The following ENPEP variants were observed in gnomAD, a reference collection of about 807,000 sequenced individuals.
ENPEP encodes the protein AP-A.
A neutral mutation model predicts 114.5 loss-of-function variants in ENPEP; 103 were observed. The ratio of observed to expected loss-of-function variants is 0.90; its 90% confidence interval spans 0.77 to 1.06. The LOEUF (loss-of-function observed/expected upper bound fraction) is 1.06, where lower values mean the gene tolerates loss of function less well. Among genes scored for constraint, ENPEP ranks in the 50% least tolerant of loss-of-function variants. The pLI is 0.00. For missense variants in ENPEP, 1,196 were observed against 1,161.3 expected, an observed-to-expected ratio of 1.03 and a Z score of -0.43; for synonymous variants, 420 against 422.0, an observed-to-expected ratio of 1.00 and a Z score of 0.06.
chr4:110,530,126 C>T (rs1726354412), intron 10 of ENPEP, among the ~76,000 whole-genome samples: 1 of 151,980 alleles, frequency 6.6e-6, no homozygotes, highest in Non-Finnish European at 1.5e-5. Context: ...GGAGGAAGCA[C>T]TGACAGTGTC....
At chr4:110,522,953 A>G (rs967598378) in intron 10 of ENPEP, among the ~76,000 whole-genome samples, 1 of 152,180 alleles carries the variant, frequency 6.6e-6, no homozygotes, top group African/African-American at 2.4e-5. Context: ...ATAAAAAAAA[A>G]GTGAAATACA....
chr4:110,522,514 T>G (rs1449822839), intron 10 of ENPEP, among the ~76,000 whole-genome samples: 1 of 152,098 alleles, frequency 6.6e-6, no homozygotes, highest in Non-Finnish European at 1.5e-5. Context: ...ACAGAGAAAC[T>G]TGGAGGCAAA....
At chr4:110,511,622 T>C (rs892985249) in intron 6 of ENPEP, among the ~76,000 whole-genome samples, 3 of 152,250 alleles carry the variant, frequency 2.0e-5, no homozygotes, top group African/African-American at 4.8e-5. Flanking sequence ...AACATTTTAA[T>C]ATTGTCTAAT....
intron 11 of ENPEP, among the ~76,000 whole-genome samples, chr4:110,532,874 G>A (rs1474450927): frequency 1.3e-5 from 2 of 151,926 alleles, no homozygotes; most frequent in African/African-American, 2.4e-5. Flanking sequence ...GTTTCAATGC[G>A]AGGCTCTATC....
At chr4:110,485,373 A>C (rs1724464687) in intron 1 of ENPEP, among the ~76,000 whole-genome samples, 1 of 152,132 alleles carries the variant, frequency 6.6e-6, no homozygotes, top group African/African-American at 2.4e-5. Context: ...CTTAACCTAG[A>C]TTCACCAATT....
At chr4:110,504,246 G>A (rs750574874) in intron 3 of ENPEP, among the ~76,000 whole-genome samples, 4 of 152,216 alleles carry the variant, frequency 2.6e-5, no homozygotes, top group Admixed American at 1.3e-4. Flanking sequence ...CCCAAGCCAA[G>A]GGCCTGCCTG....
chr4:110,477,482 C>T (rs779743423), intron 1 of ENPEP, among the ~76,000 whole-genome samples: 1 of 152,028 alleles, frequency 6.6e-6, no homozygotes, highest in South Asian at 2.1e-4. Flanking sequence ...TTACGTGAAA[C>T]ATCAGTAAAT....
At chr4:110,542,960 C>A (rs1196394705) in intron 12 of ENPEP, 55 bp from the exon 13 acceptor site, 1 of 1,608,290 alleles carries the variant, frequency 6.2e-7, no homozygotes, top group African/African-American at 1.3e-5. Context: ...TAATTTTTTT[C>A]AACATGCTTT....
chr4:110,525,824 C>T (rs1462458792), intron 10 of ENPEP, among the ~76,000 whole-genome samples: 1 of 152,168 alleles, frequency 6.6e-6, no homozygotes, highest in African/African-American at 2.4e-5. Context: ...TTCTCTCTTA[C>T]TATATGAGTC....
Position 110,561,645 on chromosome 4 carries a change from A to T in ENPEP, c.*87A>T. On this transcript the variant is annotated 3_prime_UTR_variant, in exon 20 of 20. Coordinates refer to ENST00000265162, the MANE Select transcript of ENPEP (RefSeq NM_001977.4). ...GGCCTAATTTACAAGCACGATGGAG[A>T]GAGCCTTATAAACAGATAATGCTTT... 1 of 1,281,636 alleles carries T rather than the reference A, an allele frequency of 7.8e-7. No homozygotes were observed. Among genetic ancestry groups the T allele is most frequent in the Non-Finnish European group, 1.1e-6 (1 of 922,150 alleles). 79.4% of individuals were successfully genotyped at this position (1,281,636 alleles called of 1,614,324 possible).
At chr4:110,502,138 G>A (rs554180519) in intron 3 of ENPEP, among the ~76,000 whole-genome samples, 4 of 152,162 alleles carry the variant, frequency 2.6e-5, no homozygotes, top group South Asian at 2.1e-4. Flanking sequence ...AGGGTTGTTT[G>A]TTTTTGCTTG....
chr4:110,554,720 T>G (rs988438382), intron 18 of ENPEP, among the ~76,000 whole-genome samples: 6 of 152,100 alleles, frequency 3.9e-5, no homozygotes, highest in Non-Finnish European at 7.4e-5. Flanking sequence ...TGGCTAGTGA[T>G]AAATACTGCA....
intron 3 of ENPEP, among the ~76,000 whole-genome samples, chr4:110,498,480 T>G (rs1168653219): frequency 1.3e-5 from 2 of 152,004 alleles, no homozygotes; most frequent in Non-Finnish European, 2.9e-5. Flanking sequence ...TAATAAATAA[T>G]AGAGGAGGTG....
chr4:110,544,779 A>C (rs1360713211), intron 13 of ENPEP, among the ~76,000 whole-genome samples: 1 of 152,126 alleles, frequency 6.6e-6, no homozygotes, highest in Admixed American at 6.6e-5. Context: ...AGCCTCTTGA[A>C]CAGCTCTCTC....
At chr4:110,525,671 A>T (rs1726169823) in intron 10 of ENPEP, among the ~76,000 whole-genome samples, 1 of 149,256 alleles carries the variant, frequency 6.7e-6, no homozygotes, top group South Asian at 2.1e-4. Context: ...TTTAACTCTA[A>T]ACTGGTTCCT....
chr4:110,534,716 C>A (rs1419935535), intron 11 of ENPEP, among the ~76,000 whole-genome samples: 1 of 151,520 alleles, frequency 6.6e-6, no homozygotes, highest in Admixed American at 6.6e-5. Context: ...ACAATGTTGG[C>A]CAGGCTGGTC....
chr4:110,491,507 C>T (rs569073724), intron 3 of ENPEP, among the ~76,000 whole-genome samples: 6 of 152,136 alleles, frequency 3.9e-5, no homozygotes, highest in African/African-American at 1.4e-4. Flanking sequence ...TGTACCTCTC[C>T]CAGATATAGA....
chr4:110,555,980 G>A (rs1369022566), intron 18 of ENPEP, among the ~76,000 whole-genome samples: 3 of 151,544 alleles, frequency 2.0e-5, no homozygotes, highest in Non-Finnish European at 4.4e-5. Flanking sequence ...GGCATTTCTG[G>A]TATTTAAACA....
chr4:110,541,847 AAG>A (rs1451102500), intron 11 of ENPEP, among the ~76,000 whole-genome samples: 1 of 152,142 alleles, frequency 6.6e-6, no homozygotes, highest in Admixed American at 6.6e-5. Flanking sequence ...ATGTAAACAA[AAG>A]AGTGTATGAT....
Sources: gnomAD v4.1 joint callset for allele counts (sites outside exome capture counted in the v4.1 genomes callset) on GRCh38, gnomAD v4.1.1 for gene constraint, MANE v1.5 for transcripts, NCBI Gene and HGNC (gene_info 2026-07-23, HGNC 2026-07-21) for gene names.